The following CHD7 variants were observed in gnomAD, a reference collection of about 807,000 sequenced individuals.
CHD7 encodes the protein ATP-dependent chromatin remodeler CHD7.
In CHD7, 24 loss-of-function variants were observed where a neutral mutation model predicts 307.3. The observed-to-expected ratio is 0.08, with a 90% CI of 0.06 to 0.11. The LOEUF is 0.11. CHD7 is among the 10% of genes least tolerant of loss of function. The pLI, the probability that CHD7 is intolerant of heterozygous loss-of-function variation, is 1.00. For missense variants in CHD7, 3,106 were observed against 3,727.1 expected (o/e 0.83, Z 4.34); for synonymous variants, 1,363 against 1,349.9 (o/e 1.01, Z -0.21).
intron 2 of CHD7, among the ~76,000 whole-genome samples, chr8:60,778,880 G>T (rs547671990): frequency 6.6e-6 from 1 of 152,338 alleles, no homozygotes; most frequent in African/African-American, 2.4e-5. Context: ...TTTGGACAGT[G>T]CCTCTGTTGA....
chr8:60,827,964 T>C (rs1370839893), intron 13 of CHD7, among the ~76,000 whole-genome samples: 2 of 152,118 alleles, frequency 1.3e-5, no homozygotes, highest in Non-Finnish European at 2.9e-5. Context: ...GACTGGCCAT[T>C]GTAAAACAGC....
intron 1 of CHD7, among the ~76,000 whole-genome samples, chr8:60,718,345 G>A (rs1425923026): frequency 1.3e-5 from 2 of 152,106 alleles, no homozygotes; most frequent in Non-Finnish European, 2.9e-5. Context: ...GGGTGTGGTG[G>A]CAGGCGCTAA....
At chr8:60,787,655 G>A (rs1157560768) in intron 3 of CHD7, among the ~76,000 whole-genome samples, 2 of 152,004 alleles carry the variant, frequency 1.3e-5, no homozygotes, top group African/African-American at 2.4e-5. Flanking sequence ...ATATAATTTT[G>A]TGGGAGTTAG....
rs1331200503 is a variant in CHD7, at chr8:60,800,533, C to T, written c.2376+8C>T. 6 of 1,603,200 alleles carry T rather than the reference C, an allele frequency of 3.7e-6. No individual in the cohort carries two copies. The highest frequency in any genetic ancestry group is 2.2e-5 in the East Asian group (1 of 44,564). ...TCCCAGTCAGAACAGCAGGTTAGTA[C>T]CAGATCTGTGGGATTTATGGATGCA... is the stretch of plus-strand genomic sequence containing the variant. On this transcript the variant is annotated splice_region_variant and intron_variant, in intron 5 of 37. Transcript: ENST00000423902.
chr8:60,787,832 T>TC (rs1479619491), intron 3 of CHD7, among the ~76,000 whole-genome samples: 6 of 144,630 alleles, frequency 4.1e-5, no homozygotes, highest in African/African-American at 1.5e-4. Context: ...TTTCTTTCTT[T>TC]TTTTTTTTTT....
intron 2 of CHD7, among the ~76,000 whole-genome samples, chr8:60,767,896 T>C (rs753553662): frequency 1.1e-4 from 16 of 152,242 alleles, no homozygotes; most frequent in Non-Finnish European, 2.1e-4. Flanking sequence ...TTATGACATA[T>C]ATTCAGCATA....
chr8:60,715,979 A>G (rs2150533423), intron 1 of CHD7, among the ~76,000 whole-genome samples: 2 of 152,348 alleles, frequency 1.3e-5, no homozygotes, highest in Middle Eastern at 3.4e-3. Flanking sequence ...AAAATGAGAC[A>G]GCAGATGTTA....
intron 1 of CHD7, among the ~76,000 whole-genome samples, chr8:60,717,333 C>T (rs1807661266): frequency 6.6e-6 from 1 of 152,208 alleles, no homozygotes; most frequent in African/African-American, 2.4e-5. Flanking sequence ...TTAGACTTAG[C>T]AATAACTTTG....
At chr8:60,745,550 C>A (rs928735323) in intron 2 of CHD7, among the ~76,000 whole-genome samples, 4 of 152,156 alleles carry the variant, frequency 2.6e-5, no homozygotes, top group Non-Finnish European at 5.9e-5. Flanking sequence ...AAACTCAGGA[C>A]CTTTACAGGG....
intron 36 of CHD7, 24 bp downstream of exon 36, chr8:60,862,360 A>G (rs763406777): frequency 1.9e-5 from 30 of 1,588,740 alleles, no homozygotes; most frequent in Non-Finnish European, 2.6e-5. Flanking sequence ...AAGGGAATTG[A>G]TCACTATGCG....
chr8:60,706,827 A>G (rs1013696327), intron 1 of CHD7, among the ~76,000 whole-genome samples: 1 of 152,018 alleles, frequency 6.6e-6, no homozygotes, highest in African/African-American at 2.4e-5. Flanking sequence ...AAATATATAT[A>G]TATTTATTAT....
At chr8:60,759,126 A>G (rs981185543) in intron 2 of CHD7, among the ~76,000 whole-genome samples, 4 of 152,148 alleles carry the variant, frequency 2.6e-5, no homozygotes, top group African/African-American at 7.2e-5. Context: ...CACTTTGAAC[A>G]CTGCTGGTTT....
intron 1 of CHD7, among the ~76,000 whole-genome samples, chr8:60,718,764 C>T (rs1000514645): frequency 1.3e-5 from 2 of 148,284 alleles, no homozygotes; most frequent in African/African-American, 5.3e-5. Flanking sequence ...CAGTAACATC[C>T]TAGGCCTTCA....
chr8:60,819,891 A>G, intron 8 of CHD7, 116 bp from the exon 9 acceptor site: 1 of 701,588 alleles, frequency 1.4e-6, no homozygotes, highest in Non-Finnish European at 2.4e-6. Context: ...AGAATTTGCC[A>G]AATGTAAGTT....
intron 19 of CHD7, among the ~76,000 whole-genome samples, chr8:60,840,854 G>A (rs1804941889): frequency 6.6e-6 from 1 of 152,096 alleles, no homozygotes; most frequent in African/African-American, 2.4e-5. Context: ...CTGACCTCAA[G>A]CCATCTACCC....
intron 2 of CHD7, among the ~76,000 whole-genome samples, chr8:60,762,070 C>T (rs1482432479): frequency 6.6e-6 from 1 of 152,146 alleles, no homozygotes; most frequent in African/African-American, 2.4e-5. Flanking sequence ...TTAACCAGTC[C>T]TTCACCAGAC....
chr8:60,778,219 A>G (rs1811045888), intron 2 of CHD7, among the ~76,000 whole-genome samples: 1 of 152,184 alleles, frequency 6.6e-6, no homozygotes, highest in Non-Finnish European at 1.5e-5. Context: ...TGTTTACAAA[A>G]ACAGCTTTTC....
intron 3 of CHD7, among the ~76,000 whole-genome samples, chr8:60,782,904 G>A (rs1017256914): frequency 2.0e-5 from 3 of 152,086 alleles, no homozygotes; most frequent in African/African-American, 7.2e-5. Context: ...TTTGGTAGGA[G>A]AAAGCATAAG....
intron 1 of CHD7, among the ~76,000 whole-genome samples, chr8:60,714,208 C>G (rs926613646): frequency 6.6e-6 from 1 of 151,990 alleles, no homozygotes; most frequent in African/African-American, 2.4e-5. Flanking sequence ...CTGGGCCAGA[C>G]GCAGGGCGGA....
Sources: allele counts gnomAD v4.1 joint callset (sites outside exome capture counted in the v4.1 genomes callset), GRCh38; gene constraint gnomAD v4.1.1; transcripts MANE v1.5; gene names NCBI Gene and HGNC (gene_info 2026-07-23, HGNC 2026-07-21).